MGAT4D: variants seen among roughly 807,000 people sequenced by gnomAD.
MGAT4D encodes MGAT4 family member D, also known as alpha-1,3-mannosyl-glycoprotein 4-beta-N-acetylglucosaminyltransferase-like protein MGAT4D.
Under a neutral mutation model 15.9 loss-of-function variants are expected in MGAT4D, and 34 were observed. That is an observed-to-expected ratio of 2.14 (90% CI 1.62 to 2.84). The LOEUF is 2.84. MGAT4D is among the 30% of genes most tolerant of loss of function. The pLI, the probability that MGAT4D is intolerant of heterozygous loss-of-function variation, is 0.00. For missense variants in MGAT4D, 327 were observed against 140.2 expected, an observed-to-expected ratio of 2.33 and a Z score of -6.73; for synonymous variants, 112 against 48.2, an observed-to-expected ratio of 2.33 and a Z score of -5.49.
intron 3 of MGAT4D, among the ~76,000 whole-genome samples, chr4:140,478,250 A>G (rs1295527917): frequency 2.0e-5 from 3 of 152,168 alleles, no homozygotes; most frequent in Non-Finnish European, 4.4e-5. Flanking sequence ...CTACACAAGG[A>G]GGTCTATTGC....
chr4:140,476,186 A>G (rs6853092), intron 3 of MGAT4D, among the ~76,000 whole-genome samples: 37,453 of 152,052 alleles, frequency 0.25, 4,980 homozygotes, highest in East Asian at 0.48. Flanking sequence ...ATGAGTTGTC[A>G]GCATTTTTCT....
chr4:140,488,492 G>A (rs1461408052), intron 1 of MGAT4D, among the ~76,000 whole-genome samples: 7 of 152,316 alleles, frequency 4.6e-5, no homozygotes, highest in South Asian at 2.1e-4. Flanking sequence ...TATCCTCAAA[G>A]TGCCACAGGC....
chr4:140,448,253 C>T (rs190064201), intron 10 of MGAT4D, among the ~76,000 whole-genome samples: 34 of 152,232 alleles, frequency 2.2e-4, no homozygotes, highest in Admixed American at 6.5e-4. Context: ...TCCTCTCTAG[C>T]GAGGGTGGAG....
At chr4:140,473,898 C>T (rs1387934899) in intron 4 of MGAT4D, among the ~76,000 whole-genome samples, 1 of 151,172 alleles carries the variant, frequency 6.6e-6, no homozygotes, top group Non-Finnish European at 1.5e-5. Flanking sequence ...ATGGGGGTCT[C>T]GCTATGTTGC....
At chr4:140,473,889 T>TG (rs1407975906) in intron 4 of MGAT4D, among the ~76,000 whole-genome samples, 1 of 151,312 alleles carries the variant, frequency 6.6e-6, no homozygotes, top group African/African-American at 2.4e-5. Context: ...TTAGTAGAGA[T>TG]GGGGGTCTCG....
intron 2 of MGAT4D, among the ~76,000 whole-genome samples, chr4:140,480,133 A>G (rs1407956096): frequency 6.6e-6 from 1 of 152,198 alleles, no homozygotes; most frequent in African/African-American, 2.4e-5. Context: ...GTGATATTAT[A>G]TAAAAAAAGA....
At chr4:140,461,712 A>G (rs1486316864) in intron 7 of MGAT4D, among the ~76,000 whole-genome samples, 1 of 152,184 alleles carries the variant, frequency 6.6e-6, no homozygotes, top group Non-Finnish European at 1.5e-5. Context: ...ATATTCATAT[A>G]TAATCAATTT....
chr4:140,485,921 C>A (rs1421958103), intron 1 of MGAT4D, among the ~76,000 whole-genome samples: 4 of 142,902 alleles, frequency 2.8e-5, no homozygotes, highest in Non-Finnish European at 6.0e-5. Context: ...GAAGAGCACA[C>A]AAGTGGACAG....
intron 1 of MGAT4D, among the ~76,000 whole-genome samples, chr4:140,484,786 C>A (rs1432854723): frequency 6.6e-6 from 1 of 152,110 alleles, no homozygotes; most frequent in Non-Finnish European, 1.5e-5. Flanking sequence ...ATGCAGCCAA[C>A]AGACACATGA....
At chr4:140,468,069 T>G (rs1386748546) in intron 5 of MGAT4D, among the ~76,000 whole-genome samples, 1 of 151,900 alleles carries the variant, frequency 6.6e-6, no homozygotes, top group Non-Finnish European at 1.5e-5. Context: ...AATTATTCTA[T>G]TATAATTTAA....
At chr4:140,445,533 A>C (rs1730065465) in intron 10 of MGAT4D, among the ~76,000 whole-genome samples, 1 of 152,158 alleles carries the variant, frequency 6.6e-6, no homozygotes, top group African/African-American at 2.4e-5. Flanking sequence ...CTTTAGTTTA[A>C]TTAGATCTAT....
chr4:140,442,748 A>G lies in MGAT4D; in HGVS notation c.*688T>C, dbSNP rs1318378478. 6.6e-6 allele frequency: 1 copy of G among 152,136 alleles called. No individual in the cohort carries two copies. Among genetic ancestry groups the G allele is most frequent in the African/African-American group, 2.4e-5 (1 of 41,456 alleles). The allele number at this position is 152,136 out of a possible 1,614,324, so 9.4% of individuals were successfully genotyped here. ...TTCTCAAAATTTTATCACACAGGTA[A>G]AGTTCTATAACCACTATGCAAGTAA... On this transcript the variant is annotated 3_prime_UTR_variant, in exon 11 of 11. Transcript: ENST00000511113.
chr4:140,464,990 A>G lies in MGAT4D; in HGVS notation c.592T>C (p.Ser198Pro), dbSNP rs920540533. 20 of 702,110 alleles carry G rather than the reference A, an allele frequency of 2.8e-5. No individual in the cohort carries two copies. The highest frequency in any genetic ancestry group is 5.4e-5 in the East Asian group (2 of 37,278). 43.5% of individuals were successfully genotyped at this position (702,110 alleles called of 1,614,324 possible). Residue 198 changes from serine to proline, a missense_variant, in exon 6 of 11, where the codon TCT (serine) becomes CCT (proline). Physicochemically the swap from Ser to Pro is moderately conservative, Grantham distance 74. Coordinates refer to ENST00000511113, the MANE Select transcript of MGAT4D (RefSeq NM_001277353.2). ...ITKKFKRQVR[S>P]GSLEVISIPA... The stretch of plus-strand genomic sequence containing the variant: ...ATTGAAATGACCTCTAAGGATCCAG[A>G]CCTCACTTGCCTTTTGAATCTATAA...
At chr4:140,490,515 C>T (rs973204378) in intron 1 of MGAT4D, among the ~76,000 whole-genome samples, 1 of 152,206 alleles carries the variant, frequency 6.6e-6, no homozygotes, top group Non-Finnish European at 1.5e-5. Context: ...AATGGCCAGA[C>T]TGGAAGCCCT....
chr4:140,487,326 G>T (rs1366277350), intron 1 of MGAT4D, among the ~76,000 whole-genome samples: 9 of 152,334 alleles, frequency 5.9e-5, no homozygotes, highest in Non-Finnish European at 1.3e-4. Flanking sequence ...GTTCAAGTGT[G>T]CAATGGGTGA....
At chr4:140,492,892 G>A (rs538815567) in intron 1 of MGAT4D, among the ~76,000 whole-genome samples, 9 of 152,280 alleles carry the variant, frequency 5.9e-5, no homozygotes, top group African/African-American at 1.9e-4. Context: ...CATCTAAGCA[G>A]AGAAGGGGGC....
intron 2 of MGAT4D, among the ~76,000 whole-genome samples, chr4:140,481,788 G>A (rs1410224784): frequency 6.6e-6 from 1 of 152,220 alleles, no homozygotes; most frequent in Non-Finnish European, 1.5e-5. Flanking sequence ...GGTTGCCAGG[G>A]ATTAAGAGTA....
intron 1 of MGAT4D, among the ~76,000 whole-genome samples, chr4:140,490,987 C>T (rs1051797398): frequency 6.6e-6 from 1 of 152,194 alleles, no homozygotes; most frequent in Non-Finnish European, 1.5e-5. Flanking sequence ...CAACATGAAT[C>T]CTCGACTTAA....
At chr4:140,488,394 C>T (rs760571358) in intron 1 of MGAT4D, among the ~76,000 whole-genome samples, 1 of 152,212 alleles carries the variant, frequency 6.6e-6, no homozygotes, top group Non-Finnish European at 1.5e-5. Flanking sequence ...TGAATAAAAT[C>T]TGGCTCCTGA....
Sources: gnomAD v4.1 joint callset for allele counts (sites outside exome capture counted in the v4.1 genomes callset) on GRCh38, gnomAD v4.1.1 for gene constraint, MANE v1.5 for transcripts, NCBI Gene and HGNC (gene_info 2026-07-23, HGNC 2026-07-21) for gene names.